Variants in CPNE4 observed in about 807,000 individuals in gnomAD.
The protein encoded by CPNE4 is copine-4.
A neutral mutation model predicts 67.9 loss-of-function variants in CPNE4; 25 were observed. The observed-to-expected ratio is 0.37, with a 90% CI of 0.27 to 0.51. The LOEUF (loss-of-function observed/expected upper bound fraction) is 0.51, where lower values mean the gene tolerates loss of function less well. Among genes scored for constraint, CPNE4 ranks in the 20% least tolerant of loss-of-function variants. The probability of loss-of-function intolerance (pLI) is 0.93; values close to 1 mark genes in which losing one functional copy is unlikely to be tolerated. For missense variants in CPNE4, 464 were observed against 690.8 expected (o/e 0.67, Z 3.68); for synonymous variants, 242 against 244.9 (o/e 0.99, Z 0.11).
chr3:131,829,553 T>A (rs952899142), intron 2 of CPNE4, among the ~76,000 whole-genome samples: 7 of 152,188 alleles, frequency 4.6e-5, no homozygotes, highest in Admixed American at 3.9e-4. Context: ...GTGCCTCTGC[T>A]GAATCACCCA....
chr3:131,553,602 C>A (rs1012891714), intron 12 of CPNE4, among the ~76,000 whole-genome samples: 4 of 152,058 alleles, frequency 2.6e-5, no homozygotes, highest in African/African-American at 9.7e-5. Context: ...TTGCCAACAG[C>A]GGTAACTGAC....
chr3:131,760,303 C>T (rs146435068), intron 2 of CPNE4, among the ~76,000 whole-genome samples: 1 of 152,250 alleles, frequency 6.6e-6, no homozygotes, highest in African/African-American at 2.4e-5. Flanking sequence ...ATCCTCACAG[C>T]ATCTCTGTGA....
intron 3 of CPNE4, among the ~76,000 whole-genome samples, chr3:131,706,411 C>T (rs2081414450): frequency 6.6e-6 from 1 of 152,228 alleles, no homozygotes; most frequent in African/African-American, 2.4e-5. Context: ...ACTTAATTCT[C>T]ATGACAGCTC....
At chr3:131,711,344 G>A (rs1014365976) in intron 3 of CPNE4, among the ~76,000 whole-genome samples, 3 of 152,152 alleles carry the variant, frequency 2.0e-5, no homozygotes, top group African/African-American at 7.2e-5. Context: ...ATTCGGTCTT[G>A]CTGACTGGTG....
chr3:131,636,059 C>T lies in CPNE4; in HGVS notation c.681+33616G>A, dbSNP rs1205713483. 6.0e-5 allele frequency among the ~76,000 whole-genome samples: 5 copies of T among 83,344 alleles called. 1 individual carries two copies. The highest frequency in any genetic ancestry group is 3.1e-4 in the African/African-American group (2 of 6,350). The allele number at this position is 83,344 out of a possible 152,430, so 54.7% of individuals were successfully genotyped here. A position where few individuals can be genotyped will look rare whatever the true frequency, so the allele number is the denominator to read the frequency against. The stretch of plus-strand genomic sequence containing the variant: ...TCCCGCCACTGCACTCCAGCCTGGG[C>T]GACAGAGCGAGACTCCGTCTCAAAA... On this transcript the variant is annotated intron_variant, in intron 7 of 15. Transcript: ENST00000429747.
intron 1 of CPNE4, among the ~76,000 whole-genome samples, chr3:131,961,941 G>A (rs72992874): frequency 0.051 from 7,706 of 152,046 alleles, 594 homozygotes; most frequent in African/African-American, 0.17. Context: ...ACTTCCAAAC[G>A]TTTCTCAACG....
At chr3:131,858,637 A>G (rs1489411615) in intron 2 of CPNE4, among the ~76,000 whole-genome samples, 1 of 152,170 alleles carries the variant, frequency 6.6e-6, no homozygotes, top group Non-Finnish European at 1.5e-5. Flanking sequence ...ACACCAGTGA[A>G]ACATTTGGAA....
At chr3:131,959,574 C>T (rs1438194837) in intron 1 of CPNE4, among the ~76,000 whole-genome samples, 1 of 152,022 alleles carries the variant, frequency 6.6e-6, no homozygotes, top group Non-Finnish European at 1.5e-5. Flanking sequence ...GGAACTCTGT[C>T]GAAAACACCA....
intron 2 of CPNE4, among the ~76,000 whole-genome samples, chr3:131,897,375 G>A (rs60004394): frequency 0.13 from 19,762 of 152,060 alleles, 1,726 homozygotes; most frequent in Admixed American, 0.26. Flanking sequence ...ATATGAATAT[G>A]CATGTAATGA....
At chr3:131,623,607 T>C (rs950178612) in intron 7 of CPNE4, among the ~76,000 whole-genome samples, 2 of 152,210 alleles carry the variant, frequency 1.3e-5, no homozygotes, top group African/African-American at 4.8e-5. Context: ...AAAAAGCTAG[T>C]TCAAGCTTCT....
At chr3:131,732,728 CTT>C (rs1039582790) in intron 2 of CPNE4, among the ~76,000 whole-genome samples, 2 of 152,216 alleles carry the variant, frequency 1.3e-5, no homozygotes, top group Non-Finnish European at 2.9e-5. Flanking sequence ...ATGAACATCT[CTT>C]TTTCTGCTGG....
At chr3:131,907,369 C>T (rs1277484240) in intron 1 of CPNE4, among the ~76,000 whole-genome samples, 1 of 152,002 alleles carries the variant, frequency 6.6e-6, no homozygotes, top group Non-Finnish European at 1.5e-5. Flanking sequence ...ATTCCTCTCT[C>T]TCTCCTTCCC....
intron 2 of CPNE4, among the ~76,000 whole-genome samples, chr3:131,826,695 CCTCAGAAATCCT>C (rs1437636160): frequency 6.6e-6 from 1 of 152,042 alleles, no homozygotes; most frequent in Admixed American, 6.6e-5. Flanking sequence ...TTTGAATTAC[CCTCAGAAATCCT>C]CTTATAGGAT....
At chr3:131,535,664 G>C (rs1935098549) in intron 15 of CPNE4, among the ~76,000 whole-genome samples, 1 of 152,154 alleles carries the variant, frequency 6.6e-6, no homozygotes, top group African/African-American at 2.4e-5. Flanking sequence ...CCACACTAGG[G>C]TTTGAGGGTC....
chr3:131,740,519 C>T (rs2082331692), intron 2 of CPNE4, among the ~76,000 whole-genome samples: 1 of 152,158 alleles, frequency 6.6e-6, no homozygotes. Flanking sequence ...CCATATCCAA[C>T]CCACCACCAA....
intron 7 of CPNE4, among the ~76,000 whole-genome samples, chr3:131,595,540 C>T (rs991294007): frequency 1.3e-5 from 2 of 152,164 alleles, no homozygotes; most frequent in African/African-American, 4.8e-5. Context: ...GTGCTGCCAT[C>T]TGCTTCTGGT....
chr3:131,944,741 T>G (rs2071500316), intron 1 of CPNE4, among the ~76,000 whole-genome samples: 1 of 135,844 alleles, frequency 7.4e-6, no homozygotes, highest in African/African-American at 2.5e-5. Flanking sequence ...CCTAAGATAC[T>G]GTTTTTTGAA....
At chr3:131,880,606 A>T (rs2087638264) in intron 2 of CPNE4, among the ~76,000 whole-genome samples, 1 of 152,196 alleles carries the variant, frequency 6.6e-6, no homozygotes, top group Non-Finnish European at 1.5e-5. Flanking sequence ...GCCCTGTCTG[A>T]GACTCAGAGG....
intron 1 of CPNE4, among the ~76,000 whole-genome samples, chr3:131,929,059 C>A (rs538970373): frequency 2.6e-5 from 4 of 152,030 alleles, no homozygotes; most frequent in Non-Finnish European, 5.9e-5. Flanking sequence ...ATCAAGGAGG[C>A]CTTGAAAAGA....
Sources: allele counts gnomAD v4.1 joint callset (sites outside exome capture counted in the v4.1 genomes callset), GRCh38; gene constraint gnomAD v4.1.1; transcripts MANE v1.5; gene names NCBI Gene and HGNC (gene_info 2026-07-23, HGNC 2026-07-21).